Variants in GOLGA1 observed in about 807,000 individuals in gnomAD.
The protein encoded by GOLGA1 is golgin A1, also known as golgin subfamily A member 1.
Under a neutral mutation model 119.7 loss-of-function variants are expected in GOLGA1, and 63 were observed. The observed-to-expected ratio is 0.53, with a 90% CI of 0.43 to 0.65. GOLGA1 has a LOEUF of 0.65. GOLGA1 is among the 30% of genes least tolerant of loss of function. GOLGA1 has a pLI of 0.00. For synonymous variants in GOLGA1, 318 were observed against 333.4 expected (o/e 0.95, Z 0.50); for missense variants, 798 against 912.8 (o/e 0.87, Z 1.62).
chr9:124,889,517 A>G lies in GOLGA1; in HGVS notation c.1517T>C (p.Ile506Thr). The change falls in exon 17 of 23, where the codon ATA becomes ACA. Residue 506 changes from isoleucine (I) to threonine (T), a missense_variant. Ile to Thr is a moderately conservative substitution (Grantham distance 89, BLOSUM62 -1). Transcript: ENST00000373555. Reference protein sequence around the residue: ...FQQQAANLTAIIDEKEQNLRE... With the variant: ...FQQQAANLTATIDEKEQNLRE... Reference sequence around the variant, plus strand: ...CAGATTCTGTTCCTTCTCGTCTATTATGGCTGTCAGGTTAGCTGCCTTGGA... The same window carrying G: ...CAGATTCTGTTCCTTCTCGTCTATTGTGGCTGTCAGGTTAGCTGCCTTGGA... 1 of 1,612,992 alleles carries G rather than the reference A, an allele frequency of 6.2e-7. No individual in the cohort carries two copies. The highest frequency in any genetic ancestry group is 8.5e-7 in the Non-Finnish European group (1 of 1,178,960).
upstream of GOLGA1, chr9:124,943,033 ACTT>A (rs1205311085): frequency 2.6e-5 from 4 of 152,224 alleles, no homozygotes; most frequent in African/African-American, 9.6e-5. Flanking sequence ...TGTTTCAAGA[ACTT>A]CTCAATTTCT....
rs776534287 is a variant in GOLGA1, at chr9:124,880,491, AG to A, written c.*38del. 10 of 1,123,526 alleles carry A rather than the reference AG, an allele frequency of 8.9e-6. No individual in the cohort carries two copies. The East Asian group carries it at 1.9e-4, about 21-fold the overall frequency. 69.6% of individuals were successfully genotyped at this position (1,123,526 alleles called of 1,614,324 possible). A position where few individuals can be genotyped will look rare whatever the true frequency, so the allele number is the denominator to read the frequency against. Reference sequence around the variant, plus strand: ...GTGTCAGTGTTCTTTTCACAGAAAAAGTGTCAACCCACGGAGCTCCATCCTT... The same window carrying A: ...GTGTCAGTGTTCTTTTCACAGAAAAATGTCAACCCACGGAGCTCCATCCTT... On this transcript the variant is annotated 3_prime_UTR_variant, in exon 23 of 23. Coordinates refer to ENST00000373555, the MANE Select transcript of GOLGA1 (RefSeq NM_002077.4).
At chr9:124,905,710 AAAC>A (rs1458817862) in intron 12 of GOLGA1, among the ~76,000 whole-genome samples, 1 of 152,202 alleles carries the variant, frequency 6.6e-6, no homozygotes, top group Non-Finnish European at 1.5e-5. Flanking sequence ...TACCTAAGAA[AAAC>A]AACAAAAAAA....
rs754857534 is a variant in GOLGA1 at position 124,882,558 on chromosome 9, C to T, written c.1917G>A (p.Gln639=). 7 of 1,612,404 alleles carry T rather than the reference C, an allele frequency of 4.3e-6. No homozygotes were observed. The African/African-American group carries it at 5.3e-5, about 12-fold the overall frequency. ...QLLEKNKTIK[Q]MQQRMLELRK... ...GGAGCTCCAGCATCCGCTGCTGCATCTGCTTTATGGTCTGCGACAAGCCCC... is the reference window on the plus strand; with the variant it reads ...GGAGCTCCAGCATCCGCTGCTGCATTTGCTTTATGGTCTGCGACAAGCCCC... Residue 639 remains glutamine, a synonymous_variant, in exon 20 of 23, where the codon CAG becomes CAA. Coordinates refer to ENST00000373555, the MANE Select transcript of GOLGA1 (RefSeq NM_002077.4).
At chr9:124,932,345 A>C (rs1315637643) in intron 3 of GOLGA1, among the ~76,000 whole-genome samples, 1 of 152,188 alleles carries the variant, frequency 6.6e-6, no homozygotes, top group Non-Finnish European at 1.5e-5. Flanking sequence ...AATTCACCTC[A>C]AATATTCATC....
chr9:124,923,560 A>C (rs1370559790), intron 7 of GOLGA1, among the ~76,000 whole-genome samples: 1 of 152,262 alleles, frequency 6.6e-6, no homozygotes. Flanking sequence ...TAATTGAATT[A>C]ATCCTTTAAC....
At chr9:124,943,510 T>C (rs1247664520), upstream of GOLGA1, 2 of 152,230 alleles carry the variant, frequency 1.3e-5, no homozygotes, top group African/African-American at 4.8e-5. Flanking sequence ...CTTCAGTCTC[T>C]TGAGGAGAGC....
rs771994948 is a variant in GOLGA1 at position 124,881,877 on chromosome 9, G to T, written c.2043C>A (p.Val681=). The part of the protein sequence containing the change: ...GPEMANMAPS[V]TNNTDLTDAR... ...CATCTGTCAGGTCAGTGTTATTCGT[G>T]ACGGAAGGCGCCATGTTTGCCATCT... Residue 681 remains valine, a synonymous_variant, in exon 21 of 23, where the codon GTC becomes GTA. Coordinates refer to ENST00000373555, the MANE Select transcript of GOLGA1 (RefSeq NM_002077.4). This position sits in a 1 kb window ranked among gnomAD's most constrained non-coding sequence, Gnocchi z 4.9. 6.2e-7 allele frequency: 1 copy of T among 1,612,428 alleles called. No individual in the cohort carries two copies.
rs1829830128 is a variant in GOLGA1 at position 124,890,489 on chromosome 9, G to GA, written c.1408-12dup. On this transcript the variant is annotated splice_polypyrimidine_tract_variant and intron_variant, in intron 15 of 22. Transcript: ENST00000373555. ...TTGGCTCCATTCTTCCTACAATGCAGAAAACCACTGAGCCCCAAAACTTAG... is the reference window on the plus strand; with the variant it reads ...TTGGCTCCATTCTTCCTACAATGCAGAAAAACCACTGAGCCCCAAAACTTAG... 1 of 1,594,850 alleles carries GA rather than the reference G, an allele frequency of 6.3e-7. No individual in the cohort carries two copies. Among genetic ancestry groups the GA allele is most frequent in the East Asian group, 2.2e-5 (1 of 44,786 alleles).
chr9:124,938,098 A>G (rs1198210521), intron 3 of GOLGA1, among the ~76,000 whole-genome samples: 3 of 151,166 alleles, frequency 2.0e-5, no homozygotes, highest in East Asian at 2.0e-4. Flanking sequence ...AAAAAAAAAA[A>G]GAAAGAAAAA....
At chr9:124,909,966 T>A (rs1479564637) in intron 11 of GOLGA1, among the ~76,000 whole-genome samples, 1 of 152,088 alleles carries the variant, frequency 6.6e-6, no homozygotes, top group African/African-American at 2.4e-5. Flanking sequence ...AGACAGAGTC[T>A]CGCTCTGTCA....
chr9:124,910,198 G>A (rs1218738272), intron 11 of GOLGA1, among the ~76,000 whole-genome samples: 17 of 152,058 alleles, frequency 1.1e-4, no homozygotes, highest in Admixed American at 1.1e-3. Flanking sequence ...CAAAGTGCTG[G>A]GATTATAGGT....
Position 124,880,467 on chromosome 9 carries a change from T to A in GOLGA1, c.*63A>T. On this transcript the variant is annotated 3_prime_UTR_variant, in exon 23 of 23. Transcript: ENST00000373555. The stretch of plus-strand genomic sequence containing the variant: ...GATTAAAAACCCACCCAGACTGGTG[T>A]GTCAGTGTTCTTTTCACAGAAAAAG... 1.1e-6 allele frequency: 1 copy of A among 874,916 alleles called. No individual in the cohort carries two copies. The highest frequency in any genetic ancestry group is 2.0e-6 in the Non-Finnish European group (1 of 507,566). 54.2% of individuals were successfully genotyped at this position (874,916 alleles called of 1,614,324 possible). A position where few individuals can be genotyped will look rare whatever the true frequency, so the allele number is the denominator to read the frequency against.
chr9:124,906,750 C>G (rs1830241910), intron 12 of GOLGA1, among the ~76,000 whole-genome samples: 1 of 151,638 alleles, frequency 6.6e-6, no homozygotes, highest in African/African-American at 2.4e-5. Context: ...AAAACTCTGT[C>G]TCAAAAGAAA....
intron 12 of GOLGA1, among the ~76,000 whole-genome samples, chr9:124,906,533 TGAGGTCAG>T (rs1257578715): frequency 2.2e-4 from 34 of 152,198 alleles, no homozygotes; most frequent in Non-Finnish European, 3.8e-4. Context: ...GCGGATCATC[TGAGGTCAG>T]GAGTTTGAGA....
Position 124,897,415 on chromosome 9 carries a change from G to A in GOLGA1, c.1407+1134C>T, listed in dbSNP as rs1048087915. Among the ~76,000 whole-genome samples, 7 of 152,212 alleles carry A rather than the reference G, an allele frequency of 4.6e-5. No homozygotes were observed. In the South Asian group the frequency reaches 1.5e-3, roughly 32 times the overall value. On this transcript the variant is annotated intron_variant, in intron 15 of 22. Coordinates refer to ENST00000373555, the MANE Select transcript of GOLGA1 (RefSeq NM_002077.4). ...GCTGGAGTGCAGTGGCATGATCTTGGCTCACTGCAGCCTCCACCTCCCGGG... is the reference window on the plus strand; with the variant it reads ...GCTGGAGTGCAGTGGCATGATCTTGACTCACTGCAGCCTCCACCTCCCGGG...
At chr9:124,923,431 C>T (rs1049303708) in intron 7 of GOLGA1, among the ~76,000 whole-genome samples, 10 of 152,104 alleles carry the variant, frequency 6.6e-5, no homozygotes, top group Admixed American at 6.5e-4. Context: ...GCCACCACAC[C>T]CGGCCTGAAA....
intron 19 of GOLGA1, among the ~76,000 whole-genome samples, chr9:124,885,652 G>A (rs939523844): frequency 1.3e-5 from 2 of 152,042 alleles, no homozygotes; most frequent in Non-Finnish European, 2.9e-5. Context: ...ACTTCCAAAC[G>A]GAAGGCTCAG....
In GOLGA1 at chr9:124,890,264, T is replaced by C. The variant is rs1829824579; in HGVS notation, c.1497+125A>G. The C allele has an allele frequency of 4.4e-6, 3 of 677,384 alleles. No homozygotes were observed. In the South Asian group the frequency reaches 5.1e-5, roughly 11 times the overall value. 42.0% of individuals were successfully genotyped at this position (677,384 alleles called of 1,614,324 possible). A position where few individuals can be genotyped will look rare whatever the true frequency, so the allele number is the denominator to read the frequency against. ...GGCCCACGCAGCTGACTGCATTCCCTGAGTCCTGAGTCTACTACCCTACCC... is the reference window on the plus strand; with the variant it reads ...GGCCCACGCAGCTGACTGCATTCCCCGAGTCCTGAGTCTACTACCCTACCC... On this transcript the variant is annotated intron_variant, in intron 16 of 22. Coordinates refer to ENST00000373555, the MANE Select transcript of GOLGA1 (RefSeq NM_002077.4).
Sources: allele counts gnomAD v4.1 joint callset (sites outside exome capture counted in the v4.1 genomes callset), GRCh38; gene constraint gnomAD v4.1.1; non-coding constraint Gnocchi (gnomAD v3.1); transcripts MANE v1.5; gene names NCBI Gene and HGNC (gene_info 2026-07-23, HGNC 2026-07-21).